The following AGPS variants were observed in gnomAD, a reference collection of about 807,000 sequenced individuals.
AGPS encodes alkylglycerone phosphate synthase, also known as alkyldihydroxyacetonephosphate synthase, peroxisomal.
Under a neutral mutation model 90.7 loss-of-function variants are expected in AGPS, and 26 were observed. The observed-to-expected ratio is 0.29, with a 90% CI of 0.21 to 0.40. The LOEUF (loss-of-function observed/expected upper bound fraction) is 0.40, where lower values mean the gene tolerates loss of function less well. AGPS is among the 10% of genes least tolerant of loss of function. AGPS has a pLI of 1.00. For missense variants in AGPS, 540 were observed against 816.1 expected, an observed-to-expected ratio of 0.66 and a Z score of 4.12; for synonymous variants, 294 against 285.3, an observed-to-expected ratio of 1.03 and a Z score of -0.31.
chr2:177,504,893 G>T (rs1303105560), intron 14 of AGPS, among the ~76,000 whole-genome samples: 1 of 151,834 alleles, frequency 6.6e-6, no homozygotes, highest in Non-Finnish European at 1.5e-5. Flanking sequence ...TATTTGTATG[G>T]GATTAATTCT....
At chr2:177,409,582 T>C (rs1685561801) in intron 1 of AGPS, among the ~76,000 whole-genome samples, 1 of 152,084 alleles carries the variant, frequency 6.6e-6, no homozygotes, top group African/African-American at 2.4e-5. Context: ...CAGTCTCGGC[T>C]CTCAACAGGA....
chr2:177,532,559 C>A (rs565929128), intron 19 of AGPS, among the ~76,000 whole-genome samples: 1 of 152,278 alleles, frequency 6.6e-6, no homozygotes, highest in African/African-American at 2.4e-5. Context: ...TTGGCAGTTT[C>A]TTATGAAACT....
intron 11 of AGPS, among the ~76,000 whole-genome samples, chr2:177,490,100 A>T (rs1688206498): frequency 6.6e-6 from 1 of 152,158 alleles, no homozygotes; most frequent in Non-Finnish European, 1.5e-5. Context: ...ACATAACCTA[A>T]TCTTAACTGT....
At chr2:177,493,081 A>G in intron 11 of AGPS, 67 bp from the exon 12 acceptor site, 1 of 1,349,910 alleles carries the variant, frequency 7.4e-7, no homozygotes, top group Admixed American at 1.7e-5. Context: ...GATAATATTC[A>G]CATTCTACCT....
intron 14 of AGPS, among the ~76,000 whole-genome samples, chr2:177,504,350 A>G (rs1204384594): frequency 1.3e-5 from 2 of 151,748 alleles, no homozygotes; most frequent in Non-Finnish European, 2.9e-5. Context: ...CTCACATCCA[A>G]CTCAGAATTG....
At chr2:177,534,624 G>A (rs1220103371) in intron 19 of AGPS, among the ~76,000 whole-genome samples, 1 of 138,740 alleles carries the variant, frequency 7.2e-6, no homozygotes, top group East Asian at 2.1e-4. Context: ...GTCTCGCTCT[G>A]TCACCTGGGC....
At chr2:177,436,675 A>G in intron 3 of AGPS, 89 bp from the exon 4 acceptor site, 1 of 1,314,100 alleles carries the variant, frequency 7.6e-7, no homozygotes, top group Non-Finnish European at 1.1e-6. Context: ...TTTAAAAAAA[A>G]GTCTACATTT....
chr2:177,505,857 A>G lies in AGPS; in HGVS notation c.1545+282A>G, dbSNP rs1688694890. Among the ~76,000 whole-genome samples the G allele has an allele frequency of 2.0e-5, 3 of 151,938 alleles. No individual in the cohort carries two copies. The South Asian group carries it at 6.2e-4, about 31-fold the overall frequency. On this transcript the variant is annotated intron_variant, in intron 15 of 19. Transcript: ENST00000264167. ...TTAAAAGTTGAGCATACCATTCATA[A>G]CATTACTTGGTTAAAATCAAGCTGT...
chr2:177,506,813 A>C (rs762040292), intron 15 of AGPS, among the ~76,000 whole-genome samples: 1 of 152,012 alleles, frequency 6.6e-6, no homozygotes, highest in South Asian at 2.1e-4. Flanking sequence ...TCAATATCAT[A>C]GTTTCTTCCC....
Position 177,400,553 on chromosome 2 carries a change from A to G in AGPS, c.260+7504A>G, listed in dbSNP as rs1296412716. Reference sequence around the variant, plus strand: ...ATTCCAGTAACTGCAGTTACTTTTGATGAGAGAGTTTTGCCTCCTGGGTGA... The same window carrying G: ...ATTCCAGTAACTGCAGTTACTTTTGGTGAGAGAGTTTTGCCTCCTGGGTGA... On this transcript the variant is annotated intron_variant, in intron 1 of 19. Transcript: ENST00000264167. 3.9e-5 allele frequency among the ~76,000 whole-genome samples: 6 copies of G among 152,258 alleles called. No individual in the cohort carries two copies. In the East Asian group the frequency reaches 1.2e-3, roughly 29 times the overall value.
At chr2:177,485,180 G>A (rs957191224) in intron 11 of AGPS, among the ~76,000 whole-genome samples, 1 of 152,092 alleles carries the variant, frequency 6.6e-6, no homozygotes, top group African/African-American at 2.4e-5. Flanking sequence ...GACCAACTCT[G>A]CCCCTTCAAT....
chr2:177,405,670 G>GGT (rs1685447595), intron 1 of AGPS, among the ~76,000 whole-genome samples: 1 of 60,904 alleles, frequency 1.6e-5, no homozygotes, highest in African/African-American at 5.8e-5. Flanking sequence ...GCACTATTCT[G>GGT]TTGTTTTTTT....
chr2:177,398,460 G>T (rs987914428), intron 1 of AGPS, among the ~76,000 whole-genome samples: 2 of 152,206 alleles, frequency 1.3e-5, no homozygotes, highest in African/African-American at 4.8e-5. Flanking sequence ...GCTTAGAGAA[G>T]TTAATTTATC....
intron 10 of AGPS, among the ~76,000 whole-genome samples, chr2:177,472,385 C>T (rs1217039590): frequency 6.6e-6 from 1 of 151,392 alleles, no homozygotes; most frequent in South Asian, 2.1e-4. Context: ...TGTTTCTTTC[C>T]TCAGGTTAGT....
intron 1 of AGPS, among the ~76,000 whole-genome samples, chr2:177,403,962 A>T (rs1010264083): frequency 6.6e-5 from 10 of 152,206 alleles, no homozygotes; most frequent in East Asian, 3.8e-4. Flanking sequence ...GCACATTTTT[A>T]AAAAAGGGCC....
In AGPS at chr2:177,392,804, G is replaced by A. The variant is rs1253302823; in HGVS notation, c.15G>A (p.Ala5=). The stretch of plus-strand genomic sequence containing the variant: ...AGGCGGTAGCCATGGCGGAGGCGGC[G>A]GCTGCAGCGGGTGGGACTGGCTTGG... MAEA[A]AAAGGTGLGA... is the part of the protein sequence containing the mutation. Residue 5 remains alanine, a synonymous_variant, in exon 1 of 20, where the codon GCG becomes GCA. Coordinates refer to ENST00000264167, the MANE Select transcript of AGPS (RefSeq NM_003659.4). The A allele has an allele frequency of 1.3e-6, 2 of 1,506,324 alleles. No homozygotes were observed. The highest frequency in any genetic ancestry group is 1.4e-5 in the African/African-American group (1 of 69,318). 93.3% of individuals were successfully genotyped at this position (1,506,324 alleles called of 1,614,324 possible).
intron 1 of AGPS, among the ~76,000 whole-genome samples, chr2:177,417,259 G>T (rs1328805196): frequency 6.6e-6 from 1 of 152,130 alleles, no homozygotes; most frequent in Non-Finnish European, 1.5e-5. Context: ...TGCAAACTCT[G>T]TTTCATGCAC....
intron 10 of AGPS, among the ~76,000 whole-genome samples, chr2:177,474,200 A>G (rs1421193401): frequency 1.3e-5 from 2 of 152,226 alleles, no homozygotes; most frequent in Admixed American, 6.5e-5. Flanking sequence ...TTTGCCTCCT[A>G]TCCCTGTCTT....
At position 177,540,269 on chromosome 2, in the gene AGPS, A is replaced by G. The variant is rs1028147225; in HGVS notation, c.*2074A>G. On this transcript the variant is annotated 3_prime_UTR_variant, in exon 20 of 20. Transcript: ENST00000264167. ...AACACCTGAAATTATTATGTTCACTATTCTACATGAACCTTATGGAAATTC... is the reference window on the plus strand; with the variant it reads ...AACACCTGAAATTATTATGTTCACTGTTCTACATGAACCTTATGGAAATTC... The G allele has an allele frequency of 2.2e-4, 33 of 152,038 alleles. No individual in the cohort carries two copies. The highest frequency in any genetic ancestry group is 7.9e-4 in the African/African-American group (33 of 41,516). The allele number at this position is 152,038 out of a possible 1,614,324, so 9.4% of individuals were successfully genotyped here. A position where few individuals can be genotyped will look rare whatever the true frequency, so the allele number is the denominator to read the frequency against.
Sources: allele counts gnomAD v4.1 joint callset (sites outside exome capture counted in the v4.1 genomes callset), GRCh38; gene constraint gnomAD v4.1.1; transcripts MANE v1.5; gene names NCBI Gene and HGNC (gene_info 2026-07-23, HGNC 2026-07-21).